The following HIF1A variants were observed in gnomAD, a reference collection of about 807,000 sequenced individuals.
HIF1A encodes hypoxia-inducible factor 1-alpha.
In HIF1A, 24 loss-of-function variants were observed where a neutral mutation model predicts 92.7. That is an observed-to-expected ratio of 0.26 (90% CI 0.19 to 0.36). The LOEUF (loss-of-function observed/expected upper bound fraction) is 0.36. HIF1A is among the 10% of genes least tolerant of loss of function. The pLI, the probability that HIF1A is intolerant of heterozygous loss-of-function variation, is 1.00. For missense variants in HIF1A, 799 were observed against 998.5 expected (o/e 0.80, Z 2.69); for synonymous variants, 319 against 338.7 (o/e 0.94, Z 0.64).
At chr14:61,745,648 A>G (rs760341429) in intron 13 of HIF1A, 43 bp from the exon 14 acceptor site, 1 of 1,580,610 alleles carries the variant, frequency 6.3e-7, no homozygotes, top group East Asian at 2.2e-5. Flanking sequence ...GTTTAAAAAA[A>G]AAATTCAACA....
At chr14:61,729,634 T>C (rs369285526) in intron 6 of HIF1A, among the ~76,000 whole-genome samples, 4 of 152,322 alleles carry the variant, frequency 2.6e-5, no homozygotes, top group African/African-American at 9.6e-5. Context: ...AGCATGTAAA[T>C]GTATGATGGG....
intron 4 of HIF1A, among the ~76,000 whole-genome samples, chr14:61,724,894 T>C (rs1693907943): frequency 6.6e-6 from 1 of 152,228 alleles, no homozygotes; most frequent in Non-Finnish European, 1.5e-5. Context: ...TTGTTGAATA[T>C]TTAGGCAGGA....
intron 10 of HIF1A, among the ~76,000 whole-genome samples, chr14:61,739,026 C>T (rs985094879): frequency 6.6e-6 from 1 of 152,280 alleles, no homozygotes; most frequent in East Asian, 1.9e-4. Context: ...ACTAGGATTA[C>T]AGGCGTGAGC....
chr14:61,728,064 C>G (rs1203768218), intron 6 of HIF1A, among the ~76,000 whole-genome samples: 1 of 151,770 alleles, frequency 6.6e-6, no homozygotes, highest in African/African-American at 2.4e-5. Context: ...ATACTTTCCA[C>G]TAAATTGAAC....
Position 61,740,787 on chromosome 14 carries a change from C to T in HIF1A, c.1692C>T (p.Pro564=), listed in dbSNP as rs41492849. The part of the protein sequence containing the change: ...DTDLDLEMLA[P]YIPMDDDFQL... ...ATTTAGACTTGGAGATGTTAGCTCCCTATATCCCAATGGATGATGACTTCC... is the reference window on the plus strand; with the variant it reads ...ATTTAGACTTGGAGATGTTAGCTCCTTATATCCCAATGGATGATGACTTCC... Residue 564 remains proline (P), a synonymous_variant, in exon 12 of 15, where the codon CCC becomes CCT. Coordinates refer to ENST00000337138, the MANE Select transcript of HIF1A (RefSeq NM_001530.4). 1.2e-4 allele frequency: 187 copies of T among 1,613,846 alleles called. No individual in the cohort carries two copies. The African/African-American group carries it at 2.1e-3, about 19-fold the overall frequency.
intron 12 of HIF1A, among the ~76,000 whole-genome samples, chr14:61,742,517 GCAAT>G (rs1036116069): frequency 1.3e-5 from 2 of 152,118 alleles, no homozygotes; most frequent in African/African-American, 2.4e-5. Flanking sequence ...CTCCACGAGG[GCAAT>G]CACAGTGTCT....
At chr14:61,731,218 A>G (rs562840473) in intron 6 of HIF1A, among the ~76,000 whole-genome samples, 52 of 152,124 alleles carry the variant, frequency 3.4e-4, no homozygotes, top group African/African-American at 1.2e-3. Flanking sequence ...GCACCTCGGT[A>G]GGAAAGTCCT....
intron 6 of HIF1A, 127 bp from the exon 7 acceptor site, chr14:61,732,291 G>C (rs1023632734): frequency 7.9e-6 from 5 of 636,792 alleles, no homozygotes; most frequent in Non-Finnish European, 1.1e-5. Flanking sequence ...AAGCAAAGGA[G>C]GATGCTCATT....
At position 61,709,673 on chromosome 14, in the gene HIF1A, C is replaced by T. The variant is rs558108859; in HGVS notation, c.36-10709C>T. Among the ~76,000 whole-genome samples the T allele has an allele frequency of 3.9e-5, 6 of 152,182 alleles. No individual in the cohort carries two copies. The East Asian group carries it at 1.2e-3, about 29-fold the overall frequency. ...CAAAAATAAAATAAGTGTATGCATT[C>T]TGAACATTTTTCTTTAGAAACAAAC... On this transcript the variant is annotated intron_variant, in intron 1 of 14. Transcript: ENST00000337138.
intron 6 of HIF1A, 83 bp downstream of exon 6, chr14:61,727,738 G>A (rs1260583962): frequency 1.3e-5 from 14 of 1,040,734 alleles, no homozygotes; most frequent in Admixed American, 5.3e-5. Flanking sequence ...AAGATTCAGC[G>A]CTGGCCATGC....
intron 5 of HIF1A, 70 bp from the exon 6 acceptor site, chr14:61,727,383 A>G (rs577059340): frequency 3.3e-4 from 374 of 1,138,336 alleles, no homozygotes; most frequent in Non-Finnish European, 2.2e-4. Context: ...AGACTCAACT[A>G]CTTATCTCTG....
Position 61,738,176 on chromosome 14 carries a change from A to C in HIF1A, c.1339A>C (p.Asn447His). The C allele has an allele frequency of 6.2e-7, 1 of 1,614,140 alleles. No homozygotes were observed. Residue 447 changes from asparagine (N) to histidine (H), a missense_variant, in exon 10 of 15, where the codon AAT (asparagine) becomes CAT (histidine). Coordinates refer to ENST00000337138, the MANE Select transcript of HIF1A (RefSeq NM_001530.4). ...ACCCAACGAAAAATTACAGAATATA[A>C]ATTTGGCAATGTCTCCATTACCCAC... is the stretch of plus-strand genomic sequence containing the variant. ...PSPNEKLQNINLAMSPLPTAE... is the reference protein window; with the variant it reads ...PSPNEKLQNIHLAMSPLPTAE...
At chr14:61,697,911 A>G (rs1036917458) in intron 1 of HIF1A, 3 of 1,524,648 alleles carry the variant, frequency 2.0e-6, no homozygotes, top group Admixed American at 2.0e-5. Context: ...AGGTCTAGGA[A>G]ACTCAAAACC....
chr14:61,736,902 C>G lies in HIF1A; in HGVS notation c.1042C>G (p.His348Asp). The G allele has an allele frequency of 2.5e-6, 4 of 1,612,012 alleles. No homozygotes were observed. The highest frequency in any genetic ancestry group is 1.1e-5 in the South Asian group (1 of 91,020). Reference sequence around the variant, plus strand: ...TTGTTTTGACAGTGGTATTATTCAGCACGACTTGATTTTCTCCCTTCAACA... The same window carrying G: ...TTGTTTTGACAGTGGTATTATTCAGGACGACTTGATTTTCTCCCTTCAACA... Reference protein sequence around the residue: ...VNYVVSGIIQHDLIFSLQQTE... With the variant: ...VNYVVSGIIQDDLIFSLQQTE... The change falls in exon 9 of 15, where the codon CAC (histidine) becomes GAC (aspartate). Residue 348 changes from histidine to aspartate, a missense_variant. Physicochemically the swap from His to Asp is moderately conservative, Grantham distance 81 (BLOSUM62 -1). Transcript: ENST00000337138.
intron 1 of HIF1A, among the ~76,000 whole-genome samples, chr14:61,714,836 C>T (rs912600627): frequency 1.3e-5 from 2 of 152,092 alleles, no homozygotes; most frequent in Non-Finnish European, 2.9e-5. Context: ...GAGTTCCAGA[C>T]CAGCCTGGCC....
intron 1 of HIF1A, chr14:61,697,977 T>C: frequency 3.0e-6 from 4 of 1,340,194 alleles, no homozygotes; most frequent in Non-Finnish European, 4.0e-6. Context: ...TACTGTAGAT[T>C]TAACGCAGGA....
At chr14:61,733,672 A>G (rs1470602403) in intron 7 of HIF1A, among the ~76,000 whole-genome samples, 2 of 152,236 alleles carry the variant, frequency 1.3e-5, no homozygotes, top group African/African-American at 4.8e-5. Context: ...CTCCCAAATC[A>G]GTATTTAATT....
Position 61,721,731 on chromosome 14 carries a change from G to T in HIF1A, c.373-8G>T. 1 of 1,612,738 alleles carries T rather than the reference G, an allele frequency of 6.2e-7. No individual in the cohort carries two copies. Among genetic ancestry groups the T allele is most frequent in the Non-Finnish European group, 8.5e-7 (1 of 1,179,044 alleles). On this transcript the variant is annotated splice_region_variant and splice_polypyrimidine_tract_variant and intron_variant, in intron 3 of 14. Transcript: ENST00000337138. Reference sequence around the variant, plus strand: ...ATCTAGCCCTAATTTTTAAAAATGTGTTTACAGTTTGAACTAACTGGACAC... The same window carrying T: ...ATCTAGCCCTAATTTTTAAAAATGTTTTTACAGTTTGAACTAACTGGACAC...
intron 10 of HIF1A, among the ~76,000 whole-genome samples, chr14:61,738,732 CTT>C (rs1440495510): frequency 6.6e-6 from 1 of 152,022 alleles, no homozygotes; most frequent in Non-Finnish European, 1.5e-5. Flanking sequence ...CCTGTTACCC[CTT>C]TTAGTTTGTT....
Sources: allele counts gnomAD v4.1 joint callset (sites outside exome capture counted in the v4.1 genomes callset), GRCh38; gene constraint gnomAD v4.1.1; transcripts MANE v1.5; gene names NCBI Gene and HGNC (gene_info 2026-07-23, HGNC 2026-07-21).